ZBTB47: variants seen among roughly 807,000 people sequenced by gnomAD.
ZBTB47 encodes zinc finger and BTB domain-containing protein 47.
A neutral mutation model predicts 56.6 loss-of-function variants in ZBTB47; 24 were observed. The ratio of observed to expected loss-of-function variants is 0.42; its 90% CI spans 0.31 to 0.60. The LOEUF is 0.60. Ranked by LOEUF, ZBTB47 falls within the 20% of genes least tolerant of loss-of-function variation. The pLI, the probability that ZBTB47 is intolerant of heterozygous loss-of-function variation, is 0.14. For missense variants in ZBTB47, 829 were observed against 1,032.6 expected (o/e 0.80, Z 2.70); for synonymous variants, 414 against 418.9 (o/e 0.99, Z 0.14).
At position 42,666,488 on chromosome 3, in the gene ZBTB47, A is replaced by G. The variant is rs1019321424; in HGVS notation, c.*1890A>G. On this transcript the variant is annotated 3_prime_UTR_variant, in exon 6 of 6. Transcript: ENST00000232974. Reference sequence around the variant, plus strand: ...TCCCCCCCTCCCTGTTGCTATTTTTAATCTCTAGTCCCAGTGCCTGGCAGC... The same window carrying G: ...TCCCCCCCTCCCTGTTGCTATTTTTGATCTCTAGTCCCAGTGCCTGGCAGC... 1.3e-5 allele frequency among the ~76,000 whole-genome samples: 2 copies of G among 151,922 alleles called. No individual in the cohort carries two copies. Among genetic ancestry groups the G allele is most frequent in the African/African-American group, 2.4e-5 (1 of 41,346 alleles).
chr3:42,657,589 G>A (rs1308688471), intron 1 of ZBTB47, among the ~76,000 whole-genome samples: 1 of 152,178 alleles, frequency 6.6e-6, no homozygotes, highest in Non-Finnish European at 1.5e-5. Context: ...TGGGGAGAAG[G>A]TATAGGCCCT....
rs912999784 is a variant in ZBTB47 at position 42,665,781 on chromosome 3, G to C, written c.*1183G>C. On this transcript the variant is annotated 3_prime_UTR_variant, in exon 6 of 6. Transcript: ENST00000232974. Reference sequence around the variant, plus strand: ...GGCCCCTCGGGGGATTGGGGGGACTGGGGAGGCGCAGCCTAGACCCAATTG... The same window carrying C: ...GGCCCCTCGGGGGATTGGGGGGACTCGGGAGGCGCAGCCTAGACCCAATTG... 1.3e-5 allele frequency: 2 copies of C among 152,722 alleles called. No homozygotes were observed. The highest frequency in any genetic ancestry group is 2.4e-5 in the African/African-American group (1 of 41,472). 9.5% of individuals were successfully genotyped at this position (152,722 alleles called of 1,614,324 possible).
Position 42,661,556 on chromosome 3 carries a change from C to T in ZBTB47, c.1545C>T (p.Tyr515=), listed in dbSNP as rs377289828. Reference sequence around the variant, plus strand: ...AGCATAACAAGATTGTGCACGGCTACGCAGAGAAGAAGTTCTCATGCGAGA... The same window carrying T: ...AGCATAACAAGATTGTGCACGGCTATGCAGAGAAGAAGTTCTCATGCGAGA... ...LHEHNKIVHG[Y]AEKKFSCEIC... is the part of the protein sequence containing the mutation. Residue 515 remains tyrosine (Y), a synonymous_variant, in exon 3 of 6, where the codon TAC becomes TAT. Coordinates refer to ENST00000232974, the MANE Select transcript of ZBTB47 (RefSeq NM_145166.4). The T allele has an allele frequency of 8.7e-6, 14 of 1,614,036 alleles. No individual in the cohort carries two copies. The highest frequency in any genetic ancestry group is 4.5e-5 in the East Asian group (2 of 44,888).
chr3:42,663,653 G>A lies in ZBTB47; in HGVS notation c.1738-144G>A. ...GTACTGCCCACCCAGATGCACCTCG[G>A]CTTGCCCTCATGTCCCCATCTCCTT... On this transcript the variant is annotated intron_variant, in intron 4 of 5. Transcript: ENST00000232974. This position sits in a 1 kb window ranked among gnomAD's most constrained non-coding sequence, Gnocchi z 5.1. 9.5e-7 allele frequency: 1 copy of A among 1,050,796 alleles called. No individual in the cohort carries two copies. The highest frequency in any genetic ancestry group is 1.4e-6 in the Non-Finnish European group (1 of 735,886). 65.1% of individuals were successfully genotyped at this position (1,050,796 alleles called of 1,614,324 possible). A position where few individuals can be genotyped will look rare whatever the true frequency, so the allele number is the denominator to read the frequency against.
chr3:42,663,727 G>T lies in ZBTB47; in HGVS notation c.1738-70G>T. 6 of 1,578,998 alleles carry T rather than the reference G, an allele frequency of 3.8e-6. No individual in the cohort carries two copies. Among genetic ancestry groups the T allele is most frequent in the Non-Finnish European group, 5.2e-6 (6 of 1,156,098 alleles). On this transcript the variant is annotated intron_variant, in intron 4 of 5. Coordinates refer to ENST00000232974, the MANE Select transcript of ZBTB47 (RefSeq NM_145166.4). This position sits in a 1 kb window ranked among gnomAD's most constrained non-coding sequence, Gnocchi z 5.1. ...CCTCCTTGGCCCTGTGGCCACAGGG[G>T]AGCTGTTCCCTCCACAAAGGCTGCT... is the stretch of plus-strand genomic sequence containing the variant.
At chr3:42,661,119 G>A (rs945249434) in intron 2 of ZBTB47, among the ~76,000 whole-genome samples, 16 of 152,282 alleles carry the variant, frequency 1.1e-4, no homozygotes, top group Admixed American at 9.8e-4. Flanking sequence ...TTATCTCTGC[G>A]TGTAGCCTCC....
upstream of ZBTB47, among the ~76,000 whole-genome samples, chr3:42,653,475 G>T (rs1231667094): frequency 6.6e-6 from 1 of 152,196 alleles, no homozygotes; most frequent in African/African-American, 2.4e-5. Flanking sequence ...AGGAGGGGAT[G>T]TCCACAGAGG....
At position 42,659,377 on chromosome 3, in the gene ZBTB47, A is replaced by G; in HGVS notation, c.1022A>G (p.Asp341Gly). 1 of 1,247,290 alleles carries G rather than the reference A, an allele frequency of 8.0e-7. No homozygotes were observed. The highest frequency in any genetic ancestry group is 1.0e-6 in the Non-Finnish European group (1 of 973,802). The allele number at this position is 1,247,290 out of a possible 1,614,324, so 77.3% of individuals were successfully genotyped here. Residue 341 changes from aspartate to glycine, a missense_variant, in exon 2 of 6, where the codon GAT becomes GGT. Coordinates refer to ENST00000232974, the MANE Select transcript of ZBTB47 (RefSeq NM_145166.4). ...GAGGAGGAAGGGCCTAGTGAGCAGG[A>G]TCAAGAGAGCTCTGAGGAGGAGGAG... is the stretch of plus-strand genomic sequence containing the variant. ...EEEEEGPSEQ[D>G]QESSEEEEGE... is the part of the protein sequence containing the mutation.
rs1443062560 is a variant in ZBTB47 at position 42,664,499 on chromosome 3, G to A, written c.2145G>A (p.Gly715=). The change falls in exon 6 of 6, where the codon GGG becomes GGA. Residue 715 remains glycine, a synonymous_variant. Coordinates refer to ENST00000232974, the MANE Select transcript of ZBTB47 (RefSeq NM_145166.4). ...PQAHALPLLP[G]LPQTLPPPPH... ...CGCACGCACTGCCCCTGCTCCCGGG[G>A]CTGCCCCAGACCCTGCCGCCCCCGC... 5 of 1,491,052 alleles carry A rather than the reference G, an allele frequency of 3.4e-6. No individual in the cohort carries two copies. The African/African-American group carries it at 4.2e-5, about 13-fold the overall frequency. The allele number at this position is 1,491,052 out of a possible 1,614,324, so 92.4% of individuals were successfully genotyped here.
intron 5 of ZBTB47, 78 bp from the exon 6 acceptor site, chr3:42,664,159 A>C: frequency 6.4e-7 from 1 of 1,571,234 alleles, no homozygotes. Context: ...CTATGGCTCC[A>C]TGGGAGACGG....
At position 42,664,449 on chromosome 3, in the gene ZBTB47, G is replaced by A. The variant is rs1303850520; in HGVS notation, c.2095G>A (p.Gly699Ser). Residue 699 changes from glycine to serine, a missense_variant, in exon 6 of 6, where the codon GGC (glycine) becomes AGC (serine). Coordinates refer to ENST00000232974, the MANE Select transcript of ZBTB47 (RefSeq NM_145166.4). ...CGGCGACGGCGTCCCCGCTGCCCCA[G>A]GCCTGCCCCCAACCCAGCCCCAGGC... Reference protein sequence around the residue: ...LAGDGVPAAPGLPPTQPQAHA... With the variant: ...LAGDGVPAAPSLPPTQPQAHA... The A allele has an allele frequency of 6.5e-7, 1 of 1,528,052 alleles. No homozygotes were observed. The highest frequency in any genetic ancestry group is 8.8e-7 in the Non-Finnish European group (1 of 1,140,646). 94.7% of individuals were successfully genotyped at this position (1,528,052 alleles called of 1,614,324 possible).
chr3:42,667,044 A>G lies in ZBTB47; in HGVS notation c.*2446A>G, dbSNP rs1710796848. On this transcript the variant is annotated 3_prime_UTR_variant, in exon 6 of 6. Transcript: ENST00000232974. The stretch of plus-strand genomic sequence containing the variant: ...ATAATGGCACCTCAGCAGTTCCAGT[A>G]TGGATAGGGGTTCCTGTTTTACTAG... Among the ~76,000 whole-genome samples the G allele has an allele frequency of 1.3e-5, 2 of 152,246 alleles. 1 individual carries two copies. The highest frequency in any genetic ancestry group is 2.9e-5 in the Non-Finnish European group (2 of 68,040).
chr3:42,660,463 C>T (rs1710700557), intron 2 of ZBTB47, among the ~76,000 whole-genome samples: 2 of 152,190 alleles, frequency 1.3e-5, no homozygotes, highest in African/African-American at 4.8e-5. Flanking sequence ...AGAGCAGAGG[C>T]TGCTGGGGTA....
chr3:42,664,345 T>C lies in ZBTB47; in HGVS notation c.1991T>C (p.Val664Ala). 6.2e-7 allele frequency: 1 copy of C among 1,612,796 alleles called. No homozygotes were observed. The highest frequency in any genetic ancestry group is 8.5e-7 in the Non-Finnish European group (1 of 1,179,548). The change falls in exon 6 of 6, where the codon GTG becomes GCG. Residue 664 changes from valine (V) to alanine (A), a missense_variant. By Grantham distance (64) the Val-to-Ala change is moderately conservative (BLOSUM62 0). Coordinates refer to ENST00000232974, the MANE Select transcript of ZBTB47 (RefSeq NM_145166.4). ...GGCGAGAAGCCGTACCCGTGCGACG[T>C]GTGTGGCCAGCGCTTCCGCTTCTCC... The part of the protein sequence containing the change: ...HTGEKPYPCD[V>A]CGQRFRFSNM...
In ZBTB47 at chr3:42,663,662, C is replaced by T; in HGVS notation, c.1738-135C>T. 1 of 1,169,272 alleles carries T rather than the reference C, an allele frequency of 8.6e-7. No individual in the cohort carries two copies. Among genetic ancestry groups the T allele is most frequent in the Non-Finnish European group, 1.2e-6 (1 of 836,078 alleles). The allele number at this position is 1,169,272 out of a possible 1,614,324, so 72.4% of individuals were successfully genotyped here. ...ACCCAGATGCACCTCGGCTTGCCCT[C>T]ATGTCCCCATCTCCTTGCCCAGGAG... On this transcript the variant is annotated intron_variant, in intron 4 of 5. Transcript: ENST00000232974. The surrounding 1 kb of genome is among the most constrained non-coding windows in gnomAD (Gnocchi z 5.1).
Position 42,654,785 on chromosome 3 carries a change from G to A in ZBTB47, c.-82+902G>A, listed in dbSNP as rs1229641474. On this transcript the variant is annotated intron_variant, in intron 1 of 5. Coordinates refer to ENST00000232974, the MANE Select transcript of ZBTB47 (RefSeq NM_145166.4). The surrounding 1 kb of genome is among the most constrained non-coding windows in gnomAD (Gnocchi z 5.0). ...CACGGCCCGCGGGCCCGGGTGGAGG[G>A]GCTGGAGGGATCTTCCCCCCTCCCC... 6.9e-6 allele frequency: 6 copies of A among 869,142 alleles called. No homozygotes were observed. The highest frequency in any genetic ancestry group is 8.3e-6 in the Non-Finnish European group (6 of 723,726). The allele number at this position is 869,142 out of a possible 1,614,324, so 53.8% of individuals were successfully genotyped here. A position where few individuals can be genotyped will look rare whatever the true frequency, so the allele number is the denominator to read the frequency against.
chr3:42,664,213 C>T (rs531423865), intron 5 of ZBTB47, 24 bp from the exon 6 acceptor site: 62 of 1,611,394 alleles, frequency 3.8e-5, no homozygotes, highest in Admixed American at 1.2e-4. Context: ...CACTGACGCC[C>T]TGCTGCCCAC....
chr3:42,656,627 G>A lies in ZBTB47; in HGVS notation c.-81-1648G>A, dbSNP rs1221751980. Among the ~76,000 whole-genome samples, 1 of 152,140 alleles carries A rather than the reference G, an allele frequency of 6.6e-6. No homozygotes were observed. The highest frequency in any genetic ancestry group is 2.4e-5 in the African/African-American group (1 of 41,432). On this transcript the variant is annotated intron_variant, in intron 1 of 5. Coordinates refer to ENST00000232974, the MANE Select transcript of ZBTB47 (RefSeq NM_145166.4). The surrounding 1 kb of genome is among the most constrained non-coding windows in gnomAD (Gnocchi z 5.8). ...GGGCCTGGCCAGACTGGGATGTGAG[G>A]GAACACAGGATGGCTGCTGCCCTGG...
Position 42,664,918 on chromosome 3 carries a change from G to A in ZBTB47, c.*320G>A, listed in dbSNP as rs1051417928. 2 of 217,260 alleles carry A rather than the reference G, an allele frequency of 9.2e-6. No individual in the cohort carries two copies. Among genetic ancestry groups the A allele is most frequent in the Non-Finnish European group, 9.0e-6 (1 of 111,442 alleles). The allele number at this position is 217,260 out of a possible 1,614,324, so 13.5% of individuals were successfully genotyped here. On this transcript the variant is annotated 3_prime_UTR_variant, in exon 6 of 6. Transcript: ENST00000232974. ...CCCTCCAGGTGAGGGGGGTGCTGGG[G>A]GTCTGCAGCAGAAAGAAAGGGGCCT...
Sources: allele counts gnomAD v4.1 joint callset (sites outside exome capture counted in the v4.1 genomes callset), GRCh38; gene constraint gnomAD v4.1.1; non-coding constraint Gnocchi (gnomAD v3.1); transcripts MANE v1.5; gene names NCBI Gene and HGNC (gene_info 2026-07-23, HGNC 2026-07-21).